ISX: variants seen among roughly 807,000 people sequenced by gnomAD.
ISX encodes intestine specific homeobox.
Under a neutral mutation model 16.9 loss-of-function variants are expected in ISX, and 15 were observed. The observed-to-expected ratio is 0.89, with a 90% CI of 0.59 to 1.36. The LOEUF is 1.36. Ranked by LOEUF, ISX falls within the 40% of genes most tolerant of loss-of-function variation. The pLI is 0.00. For missense variants in ISX, 316 were observed against 306.1 expected, an observed-to-expected ratio of 1.03 and a Z score of -0.24; for synonymous variants, 125 against 119.7, an observed-to-expected ratio of 1.04 and a Z score of -0.29.
At chr22:35,080,869 C>CTAAATTCCAGGAATCT (rs1929108689) in intron 2 of ISX, among the ~76,000 whole-genome samples, 1 of 152,204 alleles carries the variant, frequency 6.6e-6, no homozygotes, top group African/African-American at 2.4e-5. Context: ...AGGTGTCCAC[C>CTAAATTCCAGGAATCT]TCCCTCTGTT....
intron 2 of ISX, among the ~76,000 whole-genome samples, chr22:35,074,530 G>A (rs1928933163): frequency 6.6e-6 from 1 of 152,172 alleles, no homozygotes; most frequent in Non-Finnish European, 1.5e-5. Context: ...GGAGGCAGTT[G>A]TTAATAATTT....
At chr22:35,077,053 T>C (rs964218169) in intron 2 of ISX, among the ~76,000 whole-genome samples, 1 of 152,168 alleles carries the variant, frequency 6.6e-6, no homozygotes, top group Non-Finnish European at 1.5e-5. Context: ...CCAAGGGTTT[T>C]CTCACTCCTG....
chr22:35,076,900 A>C (rs547715416), intron 2 of ISX, among the ~76,000 whole-genome samples: 1 of 152,290 alleles, frequency 6.6e-6, no homozygotes, highest in Admixed American at 6.5e-5. Context: ...GCAACTTGAA[A>C]AGGGTGGCAG....
chr22:35,083,205 T>C (rs1601561710), intron 3 of ISX, among the ~76,000 whole-genome samples: 1 of 152,246 alleles, frequency 6.6e-6, no homozygotes, highest in South Asian at 2.1e-4. Context: ...CCTTCTTTTT[T>C]TTTCTAGCCA....
chr22:35,071,185 C>G (rs564947301), intron 2 of ISX, among the ~76,000 whole-genome samples: 142 of 152,310 alleles, frequency 9.3e-4, no homozygotes, highest in African/African-American at 3.3e-3. Context: ...CCAAACCTTT[C>G]TTGCCCTTTA....
chr22:35,071,464 C>T lies in ISX; in HGVS notation c.229+4148C>T, dbSNP rs569879015. Among the ~76,000 whole-genome samples, 338 of 152,282 alleles carry T rather than the reference C, an allele frequency of 2.2e-3. 1 individual carries two copies. Among genetic ancestry groups the T allele is most frequent in the African/African-American group, 7.8e-3 (325 of 41,572 alleles). On this transcript the variant is annotated intron_variant, in intron 2 of 4. Coordinates refer to ENST00000404699, the MANE Select transcript of ISX (RefSeq NM_001303508.2). The stretch of plus-strand genomic sequence containing the variant: ...TCGTAGTTTCTGGTGGTTCCAGCAA[C>T]CCTTATTCTTCTTTGACTTGTAGAC...
intron 2 of ISX, among the ~76,000 whole-genome samples, chr22:35,080,049 T>A (rs1442122905): frequency 6.6e-6 from 1 of 152,188 alleles, no homozygotes; most frequent in African/African-American, 2.4e-5. Flanking sequence ...CTTATCATAA[T>A]TGGTCTCTCT....
At chr22:35,068,957 T>A (rs530900087) in intron 2 of ISX, among the ~76,000 whole-genome samples, 2 of 152,308 alleles carry the variant, frequency 1.3e-5, no homozygotes, top group African/African-American at 4.8e-5. Flanking sequence ...CCTTAGACCA[T>A]CTACTCTAGA....
intron 2 of ISX, among the ~76,000 whole-genome samples, chr22:35,072,125 A>G (rs1928869454): frequency 6.6e-6 from 1 of 152,200 alleles, no homozygotes; most frequent in Non-Finnish European, 1.5e-5. Flanking sequence ...TCTTCCTCCA[A>G]TGGACTCCAT....
In ISX at chr22:35,085,564, C is replaced by T. The variant is rs764626933; in HGVS notation, c.609C>T (p.Leu203=). 6.2e-7 allele frequency: 1 copy of T among 1,614,256 alleles called. No homozygotes were observed. The part of the protein sequence containing the change: ...ASAWFPAWIT[L]LPAHPWETQP... ...CCTGGTTCCCTGCCTGGATCACCCT[C>T]CTCCCAGCGCACCCATGGGAAACAC... Residue 203 remains leucine, a synonymous_variant, in exon 5 of 5, where the codon CTC becomes CTT. Transcript: ENST00000404699.
intron 2 of ISX, 53 bp downstream of exon 2, chr22:35,067,369 G>A: frequency 7.7e-7 from 1 of 1,304,130 alleles, no homozygotes; most frequent in Non-Finnish European, 1.1e-6. Flanking sequence ...AGACCCAGCT[G>A]GGCTCAGGCA....
At chr22:35,076,541 G>A (rs1021080110) in intron 2 of ISX, among the ~76,000 whole-genome samples, 7 of 152,156 alleles carry the variant, frequency 4.6e-5, no homozygotes, top group Admixed American at 1.3e-4. Flanking sequence ...CAGCCTACAG[G>A]AGGGCTGCAA....
At position 35,067,086 on chromosome 22, in the gene ISX, C is replaced by A. The variant is rs375532143; in HGVS notation, c.-2C>A. 6.2e-7 allele frequency: 1 copy of A among 1,612,126 alleles called. No individual in the cohort carries two copies. Among genetic ancestry groups the A allele is most frequent in the Admixed American group, 1.7e-5 (1 of 60,006 alleles). On this transcript the variant is annotated 5_prime_UTR_variant, in exon 2 of 5. Coordinates refer to ENST00000404699, the MANE Select transcript of ISX (RefSeq NM_001303508.2). ...TACACAGAGTCACCCCTGAGCCCCT[C>A]AATGTGTGCTGAGGTGGGCCCTGCT... is the stretch of plus-strand genomic sequence containing the variant.
chr22:35,066,892 T>C lies in ISX; in HGVS notation c.-196T>C, dbSNP rs1928712342. On this transcript the variant is annotated 5_prime_UTR_variant, in exon 2 of 5. Coordinates refer to ENST00000404699, the MANE Select transcript of ISX (RefSeq NM_001303508.2). ...CTGAGCCGTGGGCACAGGATACCAC[T>C]CCTTCCAGCTCTTCTGCTGTGACCT... 3.5e-6 allele frequency: 2 copies of C among 578,170 alleles called. No homozygotes were observed. Among genetic ancestry groups the C allele is most frequent in the Non-Finnish European group, 3.1e-6 (1 of 324,762 alleles). 35.8% of individuals were successfully genotyped at this position (578,170 alleles called of 1,614,324 possible). A position where few individuals can be genotyped will look rare whatever the true frequency, so the allele number is the denominator to read the frequency against.
chr22:35,068,869 A>G (rs548596858), intron 2 of ISX, among the ~76,000 whole-genome samples: 2 of 152,334 alleles, frequency 1.3e-5, no homozygotes, highest in Admixed American at 1.3e-4. Flanking sequence ...CAACTTACAG[A>G]TGATGAAACC....
rs1273214987 is a variant in ISX at position 35,067,264 on chromosome 22, AGCTGCG to A, written c.180_185del (p.Ala61_Ala62del). ...GGCCAGGTGAAGAGGGCCCCGGAGA[AGCTGCG>A]GCCTCAGGCTCTGGGCTAGAAAAGC... On this transcript the variant is annotated inframe_deletion, in exon 2 of 5. Coordinates refer to ENST00000404699, the MANE Select transcript of ISX (RefSeq NM_001303508.2). The A allele has an allele frequency of 1.3e-6, 2 of 1,599,614 alleles. No homozygotes were observed. The highest frequency in any genetic ancestry group is 2.7e-5 in the African/African-American group (2 of 74,728).
At chr22:35,074,287 C>A (rs1023061048) in intron 2 of ISX, among the ~76,000 whole-genome samples, 2 of 152,216 alleles carry the variant, frequency 1.3e-5, no homozygotes, top group African/African-American at 4.8e-5. Context: ...ACCTCCAAAC[C>A]AGTCAACTGA....
intron 3 of ISX, among the ~76,000 whole-genome samples, chr22:35,083,371 C>T (rs551338390): frequency 1.8e-4 from 27 of 152,258 alleles, no homozygotes; most frequent in African/African-American, 5.3e-4. Context: ...GTCTTGAATT[C>T]GTGGTCTTGG....
Position 35,082,673 on chromosome 22 carries a change from C to A in ISX, c.381+4C>A, listed in dbSNP as rs746399878. ...CCTCCCAGAAGCTCGGGTGCAGGTA[C>A]AGCCATCCCTACCTCAGCCCCCAGC... On this transcript the variant is annotated splice_donor_region_variant and intron_variant, in intron 3 of 4. Coordinates refer to ENST00000404699, the MANE Select transcript of ISX (RefSeq NM_001303508.2). 72 of 1,613,842 alleles carry A rather than the reference C, an allele frequency of 4.5e-5. No homozygotes were observed. The highest frequency in any genetic ancestry group is 5.8e-5 in the Non-Finnish European group (69 of 1,179,976).
Sources: gnomAD v4.1 joint callset for allele counts (sites outside exome capture counted in the v4.1 genomes callset) on GRCh38, gnomAD v4.1.1 for gene constraint, MANE v1.5 for transcripts, NCBI Gene and HGNC (gene_info 2026-07-23, HGNC 2026-07-21) for gene names.